UVRAG: variants seen among roughly 807,000 people sequenced by gnomAD.
The protein encoded by UVRAG is UV radiation resistance-associated gene protein.
A neutral mutation model predicts 78.0 loss-of-function variants in UVRAG; 19 were observed. The ratio of observed to expected loss-of-function variants is 0.24; its 90% CI spans 0.17 to 0.36. UVRAG has a LOEUF of 0.36. Ranked by LOEUF, UVRAG falls within the 10% of genes least tolerant of loss-of-function variation. The pLI is 1.00. For missense variants in UVRAG, 740 were observed against 853.8 expected (o/e 0.87, Z 1.66); for synonymous variants, 323 against 324.6 (o/e 1.00, Z 0.05).
intron 13 of UVRAG, 36 bp downstream of exon 13, chr11:76,065,824 A>C: frequency 6.3e-7 from 1 of 1,590,664 alleles, no homozygotes; most frequent in African/African-American, 1.3e-5. Context: ...CCTACTTCCC[A>C]TGCACAGCCT....
chr11:75,933,020 A>G (rs761707941), intron 6 of UVRAG, among the ~76,000 whole-genome samples: 13 of 152,236 alleles, frequency 8.5e-5, no homozygotes, highest in Non-Finnish European at 1.8e-4. Flanking sequence ...TAAAATTTAT[A>G]TGGAACCACA....
intron 12 of UVRAG, among the ~76,000 whole-genome samples, chr11:76,049,743 A>T (rs960637096): frequency 6.6e-6 from 1 of 152,238 alleles, no homozygotes; most frequent in Non-Finnish European, 1.5e-5. Flanking sequence ...GGGATACAGC[A>T]TCAGTAAGGA....
intron 1 of UVRAG, among the ~76,000 whole-genome samples, chr11:75,818,841 C>T (rs1181891748): frequency 2.0e-5 from 3 of 152,126 alleles, no homozygotes; most frequent in Non-Finnish European, 4.4e-5. Context: ...ATCAAGTTAT[C>T]TCAAAACATA....
At chr11:75,986,789 C>T (rs753110582) in intron 8 of UVRAG, among the ~76,000 whole-genome samples, 1 of 149,998 alleles carries the variant, frequency 6.7e-6, no homozygotes, top group African/African-American at 2.5e-5. Context: ...TTCTAAGTAA[C>T]CACCCCCCTA....
At chr11:76,008,914 A>G (rs776406360) in intron 11 of UVRAG, 47 bp downstream of exon 11, 35 of 1,088,724 alleles carry the variant, frequency 3.2e-5, no homozygotes, top group Admixed American at 7.8e-5. Flanking sequence ...TAATATATGG[A>G]AATAGAATAT....
chr11:75,955,266 G>C (rs761786728), intron 6 of UVRAG, among the ~76,000 whole-genome samples: 1 of 152,148 alleles, frequency 6.6e-6, no homozygotes. Flanking sequence ...TTCCTTAGGA[G>C]CCCTGAGGGA....
intron 6 of UVRAG, among the ~76,000 whole-genome samples, chr11:75,944,123 C>T (rs542644713): frequency 4.6e-5 from 7 of 152,144 alleles, no homozygotes; most frequent in African/African-American, 4.8e-5. Context: ...CTGTTCTGAA[C>T]GTGTAATGCA....
intron 13 of UVRAG, among the ~76,000 whole-genome samples, chr11:76,104,769 T>G (rs1044017309): frequency 1.3e-5 from 2 of 152,246 alleles, no homozygotes; most frequent in Admixed American, 1.3e-4. Context: ...GTATTTGTGG[T>G]CACTATACGT....
intron 6 of UVRAG, among the ~76,000 whole-genome samples, chr11:75,938,387 T>C (rs1948420272): frequency 6.6e-6 from 1 of 152,234 alleles, no homozygotes; most frequent in Non-Finnish European, 1.5e-5. Context: ...TTCCTACTTC[T>C]CTGCATATAC....
At chr11:76,137,863 C>T (rs1252089523) in intron 14 of UVRAG, 2 of 193,688 alleles carry the variant, frequency 1.0e-5, no homozygotes, top group Non-Finnish European at 1.1e-5. Flanking sequence ...GCTGTGATCA[C>T]ACCAGTGTAC....
At chr11:75,848,926 C>A (rs1448188170) in intron 1 of UVRAG, among the ~76,000 whole-genome samples, 1 of 152,176 alleles carries the variant, frequency 6.6e-6, no homozygotes, top group Non-Finnish European at 1.5e-5. Context: ...CAACTGTAAT[C>A]TCAGCACTTT....
chr11:75,904,595 T>C (rs939645573), intron 5 of UVRAG, among the ~76,000 whole-genome samples: 1 of 152,208 alleles, frequency 6.6e-6, no homozygotes, highest in Non-Finnish European at 1.5e-5. Context: ...TTTTTAGAAT[T>C]GGAAAAGGTC....
chr11:75,829,986 C>T (rs931902790), intron 1 of UVRAG, among the ~76,000 whole-genome samples: 11 of 152,178 alleles, frequency 7.2e-5, no homozygotes, highest in African/African-American at 2.4e-4. Flanking sequence ...ACTACAGGTG[C>T]GTGCCACCAT....
intron 6 of UVRAG, among the ~76,000 whole-genome samples, chr11:75,944,715 T>G (rs552878960): frequency 6.6e-6 from 1 of 152,274 alleles, no homozygotes; most frequent in South Asian, 2.1e-4. Context: ...ATAGAGACAG[T>G]GATTATTGCG....
chr11:76,139,556 C>T (rs1952667165), intron 14 of UVRAG, among the ~76,000 whole-genome samples: 1 of 152,124 alleles, frequency 6.6e-6, no homozygotes, highest in Non-Finnish European at 1.5e-5. Flanking sequence ...TGCGTGTTTC[C>T]TCATCTGAAG....
intron 2 of UVRAG, among the ~76,000 whole-genome samples, chr11:75,855,933 G>T (rs1946279574): frequency 6.6e-6 from 1 of 152,284 alleles, no homozygotes; most frequent in East Asian, 1.9e-4. Flanking sequence ...AAAGCCTTGT[G>T]TTAATGGATG....
chr11:75,817,923 G>A (rs1945294772), intron 1 of UVRAG, among the ~76,000 whole-genome samples: 1 of 151,426 alleles, frequency 6.6e-6, no homozygotes, highest in African/African-American at 2.4e-5. Flanking sequence ...AGCCAGATGT[G>A]GTGGCGCACA....
chr11:75,824,991 G>A (rs1032154944), intron 1 of UVRAG, among the ~76,000 whole-genome samples: 10 of 151,860 alleles, frequency 6.6e-5, no homozygotes, highest in Admixed American at 3.9e-4. Flanking sequence ...CATTTTCAAC[G>A]TACTGGAATG....
Position 75,970,192 on chromosome 11 carries a change from G to C in UVRAG, c.699+8643G>C, listed in dbSNP as rs368009704. Among the ~76,000 whole-genome samples the C allele has an allele frequency of 9.2e-5, 14 of 152,274 alleles. No individual in the cohort carries two copies. The East Asian group carries it at 2.3e-3, about 25-fold the overall frequency. ...ATTTTGGGGACAGAATTTCAGATTT[G>C]TATCTGGAGGTAAATTCAGGCAAGG... is the stretch of plus-strand genomic sequence containing the variant. On this transcript the variant is annotated intron_variant, in intron 7 of 14. Transcript: ENST00000356136.
Sources: allele counts gnomAD v4.1 joint callset (sites outside exome capture counted in the v4.1 genomes callset), GRCh38; gene constraint gnomAD v4.1.1; transcripts MANE v1.5; gene names NCBI Gene and HGNC (gene_info 2026-07-23, HGNC 2026-07-21).